Variants in PCDHGB1 observed in about 807,000 individuals in gnomAD.
PCDHGB1 encodes the protein protocadherin gamma-B1.
Under a neutral mutation model 56.6 loss-of-function variants are expected in PCDHGB1, and 34 were observed. That is an observed-to-expected ratio of 0.60 (90% CI 0.46 to 0.80). The LOEUF (loss-of-function observed/expected upper bound fraction) is 0.80. Ranked by LOEUF, PCDHGB1 falls within the 30% of genes least tolerant of loss-of-function variation. PCDHGB1 has a pLI of 0.00. For missense variants in PCDHGB1, 1,278 were observed against 1,204.6 expected (o/e 1.06, Z -0.90); for synonymous variants, 561 against 505.9 (o/e 1.11, Z -1.46).
intron 1 of PCDHGB1, chr5:141,428,149 G>A (rs1048150182): frequency 8.8e-6 from 14 of 1,586,676 alleles, no homozygotes; most frequent in African/African-American, 1.3e-5. Flanking sequence ...CTGCACACGG[G>A]AACCTGCTGG....
chr5:141,388,170 T>A (rs756859307), intron 1 of PCDHGB1: 1 of 1,495,754 alleles, frequency 6.7e-7, no homozygotes, highest in East Asian at 2.3e-5. Context: ...GGAGGAGATA[T>A]GCGGGAAGAA....
At chr5:141,396,502 C>T (rs982229069) in intron 1 of PCDHGB1, 2 of 152,106 alleles carry the variant, frequency 1.3e-5, no homozygotes, top group African/African-American at 4.8e-5. Flanking sequence ...CGCCTGTGGT[C>T]CCAGCTACTC....
intron 1 of PCDHGB1, chr5:141,430,634 C>A: frequency 1.1e-6 from 1 of 882,730 alleles, no homozygotes; most frequent in Non-Finnish European, 1.7e-6. Flanking sequence ...TGAACCATCC[C>A]TGGGAGTATG....
rs759272109 is a variant in PCDHGB1, at chr5:141,420,170, G to A, written c.2409+67501G>A. ...TCCAGAATTTAATTTTTTCACATCTGTTGATCATTGTCCAGCCACACAAGA... is the reference window on the plus strand; with the variant it reads ...TCCAGAATTTAATTTTTTCACATCTATTGATCATTGTCCAGCCACACAAGA... On this transcript the variant is annotated intron_variant, in intron 1 of 3. Coordinates refer to ENST00000523390, the MANE Select transcript of PCDHGB1 (RefSeq NM_018922.3). 22 of 1,613,846 alleles carry A rather than the reference G, an allele frequency of 1.4e-5. No homozygotes were observed. Among genetic ancestry groups the A allele is most frequent in the Non-Finnish European group, 1.8e-5 (21 of 1,179,888 alleles).
intron 1 of PCDHGB1, chr5:141,421,949 C>T (rs749189262): frequency 6.2e-6 from 10 of 1,612,856 alleles, no homozygotes; most frequent in Non-Finnish European, 6.8e-6. Flanking sequence ...GATCACATCC[C>T]AATGTTTACA....
At chr5:141,467,348 C>T (rs1182432500) in intron 1 of PCDHGB1, among the ~76,000 whole-genome samples, 5 of 152,142 alleles carry the variant, frequency 3.3e-5, no homozygotes, top group African/African-American at 9.7e-5. Context: ...CCACTGCCCC[C>T]GGCCAAATCA....
chr5:141,360,930 A>T, intron 1 of PCDHGB1: 1 of 1,614,028 alleles, frequency 6.2e-7, no homozygotes, highest in East Asian at 2.2e-5. Flanking sequence ...TTCAAGTGAC[A>T]GCCACCGACC....
At chr5:141,389,573 C>T (rs778800357) in intron 1 of PCDHGB1, 2 of 1,613,242 alleles carry the variant, frequency 1.2e-6, no homozygotes, top group African/African-American at 1.3e-5. Flanking sequence ...TGCTGTACCC[C>T]GCGCTGGGTC....
At chr5:141,384,870 C>G in intron 1 of PCDHGB1, 4 of 1,613,806 alleles carry the variant, frequency 2.5e-6, no homozygotes, top group South Asian at 1.1e-5. Context: ...TGTCAGCCAC[C>G]GTCACACTCA....
chr5:141,361,749 C>A (rs1334871182), intron 1 of PCDHGB1: 1 of 1,612,938 alleles, frequency 6.2e-7, no homozygotes, highest in African/African-American at 1.3e-5. Context: ...GCGACCAGGG[C>A]TCGCCCGCGC....
rs773127033 is a variant in PCDHGB1 at position 141,365,541 on chromosome 5, T to C, written c.2409+12872T>C. On this transcript the variant is annotated intron_variant, in intron 1 of 3. Transcript: ENST00000523390. Reference sequence around the variant, plus strand: ...AAGTCAGTTGATAATTACTATCACCTATTAACAACTAGGGACCTGGACAGA... The same window carrying C: ...AAGTCAGTTGATAATTACTATCACCCATTAACAACTAGGGACCTGGACAGA... 3 of 1,613,728 alleles carry C rather than the reference T, an allele frequency of 1.9e-6. No individual in the cohort carries two copies. In the African/African-American group the frequency reaches 4.0e-5, roughly 22 times the overall value.
At chr5:141,428,001 T>G (rs149531447) in intron 1 of PCDHGB1, 10 of 1,601,704 alleles carry the variant, frequency 6.2e-6, no homozygotes, top group Non-Finnish European at 8.5e-6. Flanking sequence ...CTCCGCACTC[T>G]TCGATATAGT....
At position 141,357,036 on chromosome 5, in the gene PCDHGB1, C is replaced by T. The variant is rs765676515; in HGVS notation, c.2409+4367C>T. 10 of 1,614,042 alleles carry T rather than the reference C, an allele frequency of 6.2e-6. No homozygotes were observed. The Middle Eastern group carries it at 5.0e-4, about 80-fold the overall frequency. On this transcript the variant is annotated intron_variant, in intron 1 of 3. Coordinates refer to ENST00000523390, the MANE Select transcript of PCDHGB1 (RefSeq NM_018922.3). The stretch of plus-strand genomic sequence containing the variant: ...TGTCCTACAGCCTACTCAAGTCCAG[C>T]GAGCCGGGACTATTTGCAGTGGGGC...
chr5:141,419,006 A>G (rs2096312225), intron 1 of PCDHGB1: 1 of 1,614,006 alleles, frequency 6.2e-7, no homozygotes. Context: ...TGGGGAAGTC[A>G]GGTGTAGCTT....
intron 2 of PCDHGB1, among the ~76,000 whole-genome samples, chr5:141,495,223 G>T (rs924599140): frequency 6.6e-6 from 1 of 152,208 alleles, no homozygotes; most frequent in South Asian, 2.1e-4. Flanking sequence ...CCTGAGTTGA[G>T]CTGGGCTCCA....
intron 1 of PCDHGB1, among the ~76,000 whole-genome samples, chr5:141,446,536 GC>G (rs1043723006): frequency 2.0e-5 from 3 of 152,012 alleles, no homozygotes; most frequent in African/African-American, 7.2e-5. Context: ...GAGTGCAGTG[GC>G]CCTATCTCTG....
At chr5:141,371,899 C>T in intron 1 of PCDHGB1, 1 of 1,613,414 alleles carries the variant, frequency 6.2e-7, no homozygotes, top group Non-Finnish European at 8.5e-7. Flanking sequence ...CGGGAGCTGT[C>T]GTCCTACGTG....
intron 1 of PCDHGB1, chr5:141,375,277 T>G: frequency 1.9e-6 from 3 of 1,613,826 alleles, no homozygotes; most frequent in Non-Finnish European, 2.5e-6. Context: ...AAAAATCAGT[T>G]GGCAATTATT....
Position 141,511,176 on chromosome 5 carries a change from T to C in PCDHGB1, c.*3T>C, listed in dbSNP as rs375508988. On this transcript the variant is annotated 3_prime_UTR_variant, in exon 4 of 4. Transcript: ENST00000523390. ...CGGGCAAGAAGGAGAAGAAGTAACA[T>C]GGAGGCCAGGCCAAGAGCCACAGGG... 198 of 1,614,046 alleles carry C rather than the reference T, an allele frequency of 1.2e-4. 1 individual carries two copies. The highest frequency in any genetic ancestry group is 6.5e-5 in the Non-Finnish European group (77 of 1,179,964).
Sources: gnomAD v4.1 joint callset for allele counts (sites outside exome capture counted in the v4.1 genomes callset) on GRCh38, gnomAD v4.1.1 for gene constraint, MANE v1.5 for transcripts, NCBI Gene and HGNC (gene_info 2026-07-23, HGNC 2026-07-21) for gene names.